The following SYT1 variants were observed in gnomAD, a reference collection of about 807,000 sequenced individuals.
SYT1 encodes the protein synaptotagmin-1.
SYT1 carries 8 observed loss-of-function variants against 44.8 expected under a neutral mutation model. The ratio of observed to expected loss-of-function variants is 0.18; its 90% CI spans 0.10 to 0.32. SYT1 has a LOEUF of 0.32. Ranked by LOEUF, SYT1 falls within the 10% of genes least tolerant of loss-of-function variation. The probability of loss-of-function intolerance (pLI) is 1.00; values close to 1 mark genes in which losing one functional copy is unlikely to be tolerated. For missense variants in SYT1, 286 were observed against 509.3 expected (o/e 0.56, Z 4.22); for synonymous variants, 154 against 188.8 (o/e 0.82, Z 1.51).
In SYT1 at chr12:79,299,511, C is replaced by G. The variant is rs753850418; in HGVS notation, c.770C>G (p.Thr257Ser). ...PMNTVDFGHV[T>S]EEWRDLQSAE... ...AACACAGTGGATTTTGGCCATGTAA[C>G]TGAGGAATGGCGTGACCTGCAAAGT... Residue 257 changes from threonine (T) to serine (S), a missense_variant, in exon 8 of 11, where the codon ACT becomes AGT. By Grantham distance (58) the Thr-to-Ser change is moderately conservative (BLOSUM62 1). Around this residue, in one of 6 missense-constraint regions of SYT1, gnomAD observed 81 missense variants for 164.9 expected, o/e 0.49. Coordinates refer to ENST00000261205, the MANE Select transcript of SYT1 (RefSeq NM_005639.3). The G allele has an allele frequency of 6.8e-6, 11 of 1,613,256 alleles. No individual in the cohort carries two copies. Among genetic ancestry groups the G allele is most frequent in the African/African-American group, 4.0e-5 (3 of 74,842 alleles).
intron 2 of SYT1, among the ~76,000 whole-genome samples, chr12:79,010,406 A>G (rs1871339064): frequency 6.6e-6 from 1 of 152,024 alleles, no homozygotes; most frequent in East Asian, 1.9e-4. Context: ...TCTCCTCTCA[A>G]AATGTTTCCT....
At chr12:79,310,598 C>T in intron 8 of SYT1, among the ~76,000 whole-genome samples, 1 of 152,136 alleles carries the variant, frequency 6.6e-6, no homozygotes, top group East Asian at 1.9e-4. Context: ...CTATAAATTA[C>T]CTTGGGCAGT....
chr12:79,090,877 A>G (rs535997916), intron 3 of SYT1, among the ~76,000 whole-genome samples: 1 of 152,114 alleles, frequency 6.6e-6, no homozygotes, highest in Non-Finnish European at 1.5e-5. Context: ...CAAAAAGAGT[A>G]GATGGTAACC....
At chr12:79,044,815 G>A (rs1162351174) in intron 2 of SYT1, among the ~76,000 whole-genome samples, 5 of 150,578 alleles carry the variant, frequency 3.3e-5, no homozygotes, top group South Asian at 2.1e-4. Context: ...TGGTGTGGAT[G>A]TCCTTTCTGT....
chr12:79,187,620 G>A (rs1298756119), intron 3 of SYT1, among the ~76,000 whole-genome samples: 1 of 152,014 alleles, frequency 6.6e-6, no homozygotes, highest in East Asian at 1.9e-4. Flanking sequence ...GTTATTTTTA[G>A]TTTCTAAAAG....
At chr12:78,999,768 G>T (rs185462312) in intron 2 of SYT1, among the ~76,000 whole-genome samples, 1 of 152,190 alleles carries the variant, frequency 6.6e-6, no homozygotes, top group East Asian at 1.9e-4. Context: ...GAATGGGAGA[G>T]GGGACCATCA....
intron 3 of SYT1, among the ~76,000 whole-genome samples, chr12:79,191,457 A>G (rs1043644269): frequency 6.6e-6 from 1 of 152,164 alleles, no homozygotes; most frequent in Non-Finnish European, 1.5e-5. Context: ...CCTTGGGAAT[A>G]AAAATAGGCA....
At chr12:79,179,873 G>A (rs1285537480) in intron 3 of SYT1, among the ~76,000 whole-genome samples, 1 of 152,034 alleles carries the variant, frequency 6.6e-6, no homozygotes, top group Middle Eastern at 3.4e-3. Context: ...ACTTGAAAAA[G>A]TTTTAGACTT....
chr12:78,871,337 T>C (rs1873809983), intron 1 of SYT1, among the ~76,000 whole-genome samples: 1 of 151,986 alleles, frequency 6.6e-6, no homozygotes, highest in Admixed American at 6.6e-5. Flanking sequence ...AAGATAACAT[T>C]ACAGCAGCAG....
intron 3 of SYT1, among the ~76,000 whole-genome samples, chr12:79,064,926 G>GAGAA (rs200335076): frequency 0.13 from 13,875 of 110,974 alleles, 1,323 homozygotes; most frequent in East Asian, 0.17. Context: ...AAAAAATAGA[G>GAGAA]AGAAAGAAAG....
At chr12:79,446,034 T>TACA (rs1491131045) in intron 10 of SYT1, among the ~76,000 whole-genome samples, 5 of 115,542 alleles carry the variant, frequency 4.3e-5, no homozygotes, top group Non-Finnish European at 7.0e-5. Flanking sequence ...TATATATATA[T>TACA]TATGCCTAGG....
Position 78,895,356 on chromosome 12 carries a change from A to G in SYT1, c.-217+30247A>G, listed in dbSNP as rs184824459. On this transcript the variant is annotated intron_variant, in intron 1 of 10. Coordinates refer to ENST00000261205, the MANE Select transcript of SYT1 (RefSeq NM_005639.3). Reference sequence around the variant, plus strand: ...TTCAACTATAATGTTTATTCTGTCAAATGCATAATGTAAAATAATATTTGT... The same window carrying G: ...TTCAACTATAATGTTTATTCTGTCAGATGCATAATGTAAAATAATATTTGT... 4.6e-5 allele frequency among the ~76,000 whole-genome samples: 7 copies of G among 151,874 alleles called. No individual in the cohort carries two copies. The East Asian group carries it at 1.4e-3, about 29-fold the overall frequency.
chr12:79,378,934 A>G (rs1884109657), intron 9 of SYT1, among the ~76,000 whole-genome samples: 1 of 152,210 alleles, frequency 6.6e-6, no homozygotes, highest in South Asian at 2.1e-4. Context: ...GGAAGACGTG[A>G]CAGTGACTTC....
At chr12:79,315,115 TTAAATGGGTGA>T (rs1343253951) in intron 8 of SYT1, among the ~76,000 whole-genome samples, 6 of 152,212 alleles carry the variant, frequency 3.9e-5, no homozygotes, top group Non-Finnish European at 7.3e-5. Context: ...ACTGTACACT[TTAAATGGGTGA>T]ATTTTATGGT....
chr12:78,918,419 C>A (rs561708066), intron 1 of SYT1, among the ~76,000 whole-genome samples: 71 of 152,130 alleles, frequency 4.7e-4, no homozygotes, highest in Non-Finnish European at 6.8e-4. Context: ...GAGAGCCATA[C>A]CAGGGCAGAG....
intron 9 of SYT1, among the ~76,000 whole-genome samples, chr12:79,424,914 G>A (rs1869345391): frequency 7.4e-6 from 1 of 134,494 alleles, no homozygotes; most frequent in Non-Finnish European, 1.6e-5. Context: ...TTCAGCTGCT[G>A]CCCTTTTTGG....
chr12:79,059,766 C>G (rs939516688), intron 3 of SYT1, among the ~76,000 whole-genome samples: 3 of 152,078 alleles, frequency 2.0e-5, no homozygotes, highest in African/African-American at 7.2e-5. Context: ...ATCCCTCTGC[C>G]TCAGGGCTTA....
At chr12:79,041,306 G>C (rs1303098973) in intron 2 of SYT1, among the ~76,000 whole-genome samples, 2 of 152,120 alleles carry the variant, frequency 1.3e-5, no homozygotes, top group Non-Finnish European at 2.9e-5. Flanking sequence ...TCATTGAGCA[G>C]TGGTTTGTAG....
Position 79,185,357 on chromosome 12 carries a change from C to T in SYT1, c.-17-32146C>T, listed in dbSNP as rs534480549. The stretch of plus-strand genomic sequence containing the variant: ...GTTCTATTGAGCCTGGTAAGGTCTT[C>T]ACCTCCATCAGGCACTTTTAGGGTT... On this transcript the variant is annotated intron_variant, in intron 3 of 10. Transcript: ENST00000261205. Among the ~76,000 whole-genome samples, 10 of 152,038 alleles carry T rather than the reference C, an allele frequency of 6.6e-5. No homozygotes were observed. The South Asian group carries it at 2.1e-3, about 32-fold the overall frequency.
Sources: gnomAD v4.1 joint callset for allele counts (sites outside exome capture counted in the v4.1 genomes callset) on GRCh38, gnomAD v4.1.1 for gene constraint, gnomAD v4.1.1 regional missense constraint, MANE v1.5 for transcripts, NCBI Gene and HGNC (gene_info 2026-07-23, HGNC 2026-07-21) for gene names.